WHRN: variants seen among roughly 807,000 people sequenced by gnomAD.
WHRN encodes CASK-interacting protein CIP98.
A neutral mutation model predicts 68.3 loss-of-function variants in WHRN; 41 were observed. That is an observed-to-expected ratio of 0.60 (90% CI 0.47 to 0.78). WHRN has a LOEUF of 0.78. WHRN is among the 30% of genes least tolerant of loss of function. The pLI, the probability that WHRN is intolerant of heterozygous loss-of-function variation, is 0.00. For missense variants in WHRN, 1,243 were observed against 1,244.7 expected, an observed-to-expected ratio of 1.00 and a Z score of 0.02; for synonymous variants, 560 against 561.3, an observed-to-expected ratio of 1.00 and a Z score of 0.03.
At chr9:114,465,217 T>C (rs2132940001) in intron 3 of WHRN, among the ~76,000 whole-genome samples, 1 of 152,336 alleles carries the variant, frequency 6.6e-6, no homozygotes, top group South Asian at 2.1e-4. Flanking sequence ...TGCCATGATG[T>C]GGCTTGGTGG....
chr9:114,424,614 C>A, intron 5 of WHRN, 68 bp from the exon 6 acceptor site: 7 of 1,450,820 alleles, frequency 4.8e-6, no homozygotes, highest in Non-Finnish European at 6.6e-6. Context: ...CATGCCACTC[C>A]CCCTCTGCCC....
In WHRN at chr9:114,448,713, G is replaced by A. The variant is rs569423984; in HGVS notation, c.963+17554C>T. The stretch of plus-strand genomic sequence containing the variant: ...AAGATGACAGGGAGAGGTCCATGCA[G>A]GAAGCACTAGGGCCTCCAGCCCATA... On this transcript the variant is annotated intron_variant, in intron 3 of 11. Coordinates refer to ENST00000362057, the MANE Select transcript of WHRN (RefSeq NM_015404.4). Among the ~76,000 whole-genome samples the A allele has an allele frequency of 3.3e-5, 5 of 152,310 alleles. No individual in the cohort carries two copies. In the East Asian group the frequency reaches 9.6e-4, roughly 29 times the overall value.
In WHRN at chr9:114,403,979, C is replaced by T. The variant is rs1307003991; in HGVS notation, c.2335G>A (p.Gly779Arg). The T allele has an allele frequency of 6.2e-7, 1 of 1,610,064 alleles. No homozygotes were observed. The highest frequency in any genetic ancestry group is 1.1e-5 in the South Asian group (1 of 90,908). ...CTCTTGGTGGACACCGACTGCCTTCCTCGGCCTGGGGCGCTGGCCTCTGCC... is the reference window on the plus strand; with the variant it reads ...CTCTTGGTGGACACCGACTGCCTTCTTCGGCCTGGGGCGCTGGCCTCTGCC... ...GEAEASAPGR[G>R]RQSVSTKSRS... The change falls in exon 10 of 12, where the codon GGA (glycine) becomes AGA (arginine). Residue 779 changes from glycine (G) to arginine (R), a missense_variant. Coordinates refer to ENST00000362057, the MANE Select transcript of WHRN (RefSeq NM_015404.4).
At chr9:114,478,508 A>C (rs1316761748) in intron 2 of WHRN, 45 bp downstream of exon 2, 15 of 1,604,686 alleles carry the variant, frequency 9.3e-6, no homozygotes, top group African/African-American at 1.3e-5. Flanking sequence ...TCGGAGGGAG[A>C]ATACGGTGTC....
intron 3 of WHRN, among the ~76,000 whole-genome samples, chr9:114,459,400 T>C (rs530364282): frequency 2.0e-5 from 3 of 152,008 alleles, no homozygotes; most frequent in Non-Finnish European, 4.4e-5. Flanking sequence ...GGGGTGGAGA[T>C]TGCAGTGAGC....
At chr9:114,474,134 A>T (rs1458375043) in intron 2 of WHRN, among the ~76,000 whole-genome samples, 5 of 152,168 alleles carry the variant, frequency 3.3e-5, no homozygotes, top group African/African-American at 7.2e-5. Flanking sequence ...TCAACTCAGG[A>T]ACAATCTCAT....
chr9:114,480,650 T>C (rs914376268), intron 1 of WHRN, among the ~76,000 whole-genome samples: 4 of 152,348 alleles, frequency 2.6e-5, no homozygotes, highest in African/African-American at 7.2e-5. Flanking sequence ...CCACCCAGTC[T>C]ATGGTATTTT....
chr9:114,494,983 G>A (rs975291945), intron 1 of WHRN, among the ~76,000 whole-genome samples: 3 of 152,198 alleles, frequency 2.0e-5, no homozygotes, highest in African/African-American at 7.2e-5. Context: ...TGGGGACAGC[G>A]GCAGAGGTGA....
rs147283064 is a variant in WHRN, at chr9:114,426,229, G to T, written c.1148C>A (p.Thr383Asn). The T allele has an allele frequency of 7.4e-4, 1,188 of 1,612,392 alleles. 3 individuals are homozygous for T. Among genetic ancestry groups the T allele is most frequent in the Non-Finnish European group, 9.7e-4 (1,140 of 1,180,014 alleles). ...KWIASSRIRE[T>N]MANSAGFLGD... ...GCCAGACCCTGCCGAGTTCGCCATG[G>T]TCTCCCTGATCCGGGAACTGGCGAT... The change falls in exon 4 of 12, where the codon ACC (threonine) becomes AAC (asparagine). Residue 383 changes from threonine to asparagine, a missense_variant. Physicochemically the swap from Thr to Asn is moderately conservative, Grantham distance 65 (BLOSUM62 0). Coordinates refer to ENST00000362057, the MANE Select transcript of WHRN (RefSeq NM_015404.4).
At chr9:114,403,429 C>G in intron 10 of WHRN, 90 bp from the exon 11 acceptor site, 1 of 1,542,046 alleles carries the variant, frequency 6.5e-7, no homozygotes, top group African/African-American at 1.4e-5. Context: ...CACCCTGGGT[C>G]AGCAGAGCTC....
intron 2 of WHRN, among the ~76,000 whole-genome samples, chr9:114,473,382 G>T (rs1051667656): frequency 6.6e-6 from 1 of 152,170 alleles, no homozygotes; most frequent in Non-Finnish European, 1.5e-5. Flanking sequence ...TGCGAGGGCC[G>T]GACCCAAAGA....
At chr9:114,426,557 G>C in intron 3 of WHRN, 144 bp from the exon 4 acceptor site, 2 of 926,174 alleles carry the variant, frequency 2.2e-6, no homozygotes, top group Non-Finnish European at 3.4e-6. Flanking sequence ...GGATGCCTGA[G>C]GGTCACACAG....
intron 1 of WHRN, among the ~76,000 whole-genome samples, chr9:114,497,792 T>C (rs1169467849): frequency 6.6e-6 from 1 of 152,196 alleles, no homozygotes; most frequent in Non-Finnish European, 1.5e-5. Context: ...AGACCACATT[T>C]TTTTTAAAGG....
chr9:114,484,708 A>C (rs1316838736), intron 1 of WHRN, among the ~76,000 whole-genome samples: 3 of 152,242 alleles, frequency 2.0e-5, no homozygotes, highest in Non-Finnish European at 4.4e-5. Flanking sequence ...CTAAGATACT[A>C]TCCATCACCA....
chr9:114,434,276 A>G (rs1042777708), intron 3 of WHRN, among the ~76,000 whole-genome samples: 12 of 152,212 alleles, frequency 7.9e-5, no homozygotes, highest in African/African-American at 2.9e-4. Flanking sequence ...CTACTTGCCC[A>G]AGGACACCCA....
At position 114,426,333 on chromosome 9, in the gene WHRN, T is replaced by C. The variant is rs1372078523; in HGVS notation, c.1044A>G (p.Ser348=). The C allele has an allele frequency of 6.2e-7, 1 of 1,614,026 alleles. No homozygotes were observed. The highest frequency in any genetic ancestry group is 1.7e-5 in the Admixed American group (1 of 60,036). The part of the protein sequence containing the change: ...LHDEAVRLLK[S]SRHLILTVKD... ...TCACTGTCAGGATGAGGTGCCGAGA[T>C]GACTTAAGCAGCCTGACAGCCTCGT... Residue 348 remains serine, a synonymous_variant, in exon 4 of 12, where the codon TCA becomes TCG. Coordinates refer to ENST00000362057, the MANE Select transcript of WHRN (RefSeq NM_015404.4).
rs201544221 is a variant in WHRN at position 114,444,771 on chromosome 9, G to A, written c.964-18358C>T. ...TATTTTGCAAAGGTCTTTCTCACATGAAGGATCTGAATGCTATATATATAA... is the reference window on the plus strand; with the variant it reads ...TATTTTGCAAAGGTCTTTCTCACATAAAGGATCTGAATGCTATATATATAA... On this transcript the variant is annotated intron_variant, in intron 3 of 11. Coordinates refer to ENST00000362057, the MANE Select transcript of WHRN (RefSeq NM_015404.4). Among the ~76,000 whole-genome samples, 27 of 151,582 alleles carry A rather than the reference G, an allele frequency of 1.8e-4. No individual in the cohort carries two copies. The East Asian group carries it at 4.8e-3, about 27-fold the overall frequency.
chr9:114,503,305 A>C, intron 1 of WHRN: 11 of 624,470 alleles, frequency 1.8e-5, no homozygotes, highest in Non-Finnish European at 2.0e-5. Flanking sequence ...TTTCCCCCAA[A>C]CTCTTCACTT....
At chr9:114,429,919 C>T (rs1837260737) in intron 3 of WHRN, among the ~76,000 whole-genome samples, 1 of 152,228 alleles carries the variant, frequency 6.6e-6, no homozygotes, top group African/African-American at 2.4e-5. Flanking sequence ...GCAGCTCCAT[C>T]TCTCATCTCT....
Sources: gnomAD v4.1 joint callset for allele counts (sites outside exome capture counted in the v4.1 genomes callset) on GRCh38, gnomAD v4.1.1 for gene constraint, MANE v1.5 for transcripts, NCBI Gene and HGNC (gene_info 2026-07-23, HGNC 2026-07-21) for gene names.